Variants in GRM1 observed in about 807,000 individuals in gnomAD.
GRM1 encodes glutamate metabotropic receptor 1.
A neutral mutation model predicts 90.9 loss-of-function variants in GRM1; 33 were observed. The ratio of observed to expected loss-of-function variants is 0.36; its 90% CI spans 0.28 to 0.49. The LOEUF is 0.49. GRM1 is among the 20% of genes least tolerant of loss of function. GRM1 has a pLI of 0.99. For synonymous variants in GRM1, 700 were observed against 613.2 expected, an observed-to-expected ratio of 1.14 and a Z score of -2.09; for missense variants, 1,190 against 1,534.3, an observed-to-expected ratio of 0.78 and a Z score of 3.75.
At chr6:146,369,580 G>C (rs1388384446) in intron 5 of GRM1, among the ~76,000 whole-genome samples, 1 of 151,866 alleles carries the variant, frequency 6.6e-6, no homozygotes, top group South Asian at 2.1e-4. Flanking sequence ...TGGACCTATT[G>C]GTCATTCAGT....
At chr6:146,165,770 G>A (rs55636714) in intron 2 of GRM1, among the ~76,000 whole-genome samples, 114 of 152,220 alleles carry the variant, frequency 7.5e-4, no homozygotes, top group Middle Eastern at 3.4e-3. Context: ...ATACTCTGGA[G>A]AATAAATATT....
intron 2 of GRM1, among the ~76,000 whole-genome samples, chr6:146,216,001 C>T (rs1002647788): frequency 1.7e-4 from 26 of 152,174 alleles, no homozygotes; most frequent in Non-Finnish European, 1.5e-4. Flanking sequence ...TTATGGTCTG[C>T]CCGCCTCAAC....
intron 6 of GRM1, among the ~76,000 whole-genome samples, chr6:146,390,249 T>C (rs1467058636): frequency 2.0e-5 from 3 of 152,066 alleles, no homozygotes; most frequent in African/African-American, 4.8e-5. Flanking sequence ...TATTAATGAA[T>C]AAAAACAGGT....
At chr6:146,039,453 G>C (rs1791016681) in intron 1 of GRM1, among the ~76,000 whole-genome samples, 1 of 151,970 alleles carries the variant, frequency 6.6e-6, no homozygotes, top group African/African-American at 2.4e-5. Flanking sequence ...AAAGAGCCTA[G>C]GTCATGATGG....
At chr6:146,173,404 A>G (rs1235976356) in intron 2 of GRM1, among the ~76,000 whole-genome samples, 5 of 150,560 alleles carry the variant, frequency 3.3e-5, no homozygotes, top group Non-Finnish European at 7.4e-5. Flanking sequence ...AAAAAAGAAA[A>G]GAAAAGAAAA....
intron 7 of GRM1, among the ~76,000 whole-genome samples, chr6:146,407,146 A>G (rs563591453): frequency 6.6e-6 from 1 of 152,286 alleles, no homozygotes; most frequent in African/African-American, 2.4e-5. Flanking sequence ...TTTAGAACGA[A>G]CGTAGCTTAG....
intron 3 of GRM1, among the ~76,000 whole-genome samples, chr6:146,308,005 T>A (rs1452190361): frequency 6.6e-6 from 1 of 152,216 alleles, no homozygotes; most frequent in African/African-American, 2.4e-5. Context: ...CATCAAAACA[T>A]AACTTCTAAA....
chr6:146,366,648 T>A (rs1775700521), intron 5 of GRM1, among the ~76,000 whole-genome samples: 1 of 152,178 alleles, frequency 6.6e-6, no homozygotes. Flanking sequence ...GGCTCATTCA[T>A]GTTTCTGCAA....
At chr6:146,096,721 T>A (rs1776886415) in intron 1 of GRM1, among the ~76,000 whole-genome samples, 2 of 152,148 alleles carry the variant, frequency 1.3e-5, no homozygotes, top group Non-Finnish European at 2.9e-5. Flanking sequence ...CTTAGGAAGA[T>A]GAGAGAATCA....
intron 1 of GRM1, among the ~76,000 whole-genome samples, chr6:146,052,533 T>TC (rs1450429673): frequency 6.6e-6 from 1 of 151,836 alleles, no homozygotes; most frequent in Non-Finnish European, 1.5e-5. Context: ...ATGTATAGGG[T>TC]GAGTCTGCCT....
At chr6:146,201,218 C>T (rs1779287474) in intron 2 of GRM1, among the ~76,000 whole-genome samples, 1 of 152,122 alleles carries the variant, frequency 6.6e-6, no homozygotes, top group South Asian at 2.1e-4. Context: ...GCACATGATA[C>T]CTCTTTTAAT....
chr6:146,402,148 A>G (rs1777179752), intron 7 of GRM1, among the ~76,000 whole-genome samples: 1 of 152,148 alleles, frequency 6.6e-6, no homozygotes, highest in Non-Finnish European at 1.5e-5. Flanking sequence ...ATTAGCTGCA[A>G]TTTATCAAGC....
intron 3 of GRM1, among the ~76,000 whole-genome samples, chr6:146,344,307 T>C (rs999691340): frequency 6.6e-6 from 1 of 152,204 alleles, no homozygotes; most frequent in Non-Finnish European, 1.5e-5. Flanking sequence ...TGCTTATATG[T>C]CATTCCTGAG....
intron 2 of GRM1, among the ~76,000 whole-genome samples, chr6:146,181,126 G>T (rs1778535974): frequency 6.6e-6 from 1 of 151,972 alleles, no homozygotes; most frequent in South Asian, 2.1e-4. Context: ...TACATAAATA[G>T]ATTTGCAGTG....
chr6:146,101,112 A>C (rs992699528), intron 1 of GRM1, among the ~76,000 whole-genome samples: 2 of 152,152 alleles, frequency 1.3e-5, no homozygotes, highest in Admixed American at 1.3e-4. Context: ...AATTCAGGAG[A>C]AATATTTACA....
intron 7 of GRM1, among the ~76,000 whole-genome samples, chr6:146,420,150 C>T (rs1441944429): frequency 6.6e-6 from 1 of 152,184 alleles, no homozygotes; most frequent in Non-Finnish European, 1.5e-5. Flanking sequence ...CCATGGAGTT[C>T]TCCAGTGCTG....
intron 2 of GRM1, among the ~76,000 whole-genome samples, chr6:146,267,262 C>T (rs935546491): frequency 5.3e-5 from 8 of 152,092 alleles, no homozygotes; most frequent in South Asian, 2.1e-4. Context: ...TGTATATGTA[C>T]GGCATTTTTT....
At chr6:146,291,457 A>G (rs986825923) in intron 2 of GRM1, among the ~76,000 whole-genome samples, 3 of 151,398 alleles carry the variant, frequency 2.0e-5, no homozygotes, top group African/African-American at 7.3e-5. Flanking sequence ...TGTAGTGTGC[A>G]TGTGTGTATG....
intron 2 of GRM1, among the ~76,000 whole-genome samples, chr6:146,188,113 C>T (rs1159833607): frequency 6.6e-6 from 1 of 152,120 alleles, no homozygotes; most frequent in Non-Finnish European, 1.5e-5. Flanking sequence ...AGCTACCATA[C>T]ATTATAGAAT....
Sources: allele counts gnomAD v4.1 joint callset (sites outside exome capture counted in the v4.1 genomes callset), GRCh38; gene constraint gnomAD v4.1.1; transcripts MANE v1.5; gene names NCBI Gene and HGNC (gene_info 2026-07-23, HGNC 2026-07-21).